Variants in SSBP2 observed in about 807,000 individuals in gnomAD.
SSBP2 encodes the protein single-stranded DNA-binding protein 2.
SSBP2 carries 17 observed loss-of-function variants against 61.8 expected under a neutral mutation model. The ratio of observed to expected loss-of-function variants is 0.28; its 90% CI spans 0.19 to 0.41. SSBP2 has a LOEUF of 0.41. Among genes scored for constraint, SSBP2 ranks in the 10% least tolerant of loss-of-function variants. SSBP2 has a pLI of 1.00. For missense variants in SSBP2, 310 were observed against 458.7 expected, an observed-to-expected ratio of 0.68 and a Z score of 2.96; for synonymous variants, 139 against 141.3, an observed-to-expected ratio of 0.98 and a Z score of 0.12.
At chr5:81,740,450 A>T (rs902631387) in intron 1 of SSBP2, among the ~76,000 whole-genome samples, 2 of 152,222 alleles carry the variant, frequency 1.3e-5, no homozygotes, top group African/African-American at 4.8e-5. Context: ...TGAAAAAAAT[A>T]AAACAAAGAA....
chr5:81,584,804 A>G (rs915074425), intron 4 of SSBP2, among the ~76,000 whole-genome samples: 1 of 152,168 alleles, frequency 6.6e-6, no homozygotes, highest in Non-Finnish European at 1.5e-5. Flanking sequence ...CAAGATAAAA[A>G]TTATGTTAAG....
chr5:81,698,983 C>A (rs181331118), intron 1 of SSBP2, among the ~76,000 whole-genome samples: 3 of 152,258 alleles, frequency 2.0e-5, no homozygotes, highest in Non-Finnish European at 2.9e-5. Flanking sequence ...CAGACCACTG[C>A]AGTAAAGTGA....
chr5:81,524,811 A>G (rs1769790381), intron 4 of SSBP2, among the ~76,000 whole-genome samples: 1 of 152,016 alleles, frequency 6.6e-6, no homozygotes, highest in Admixed American at 6.6e-5. Context: ...GGGAAGAAGA[A>G]TGGCACACAC....
At chr5:81,713,231 GA>G (rs1221633336) in intron 1 of SSBP2, among the ~76,000 whole-genome samples, 1 of 151,834 alleles carries the variant, frequency 6.6e-6, no homozygotes, top group Non-Finnish European at 1.5e-5. Context: ...GGAAGTGAGA[GA>G]AAAAGTTTAC....
chr5:81,511,286 T>C (rs1239173154), intron 5 of SSBP2, among the ~76,000 whole-genome samples: 1 of 152,134 alleles, frequency 6.6e-6, no homozygotes, highest in Non-Finnish European at 1.5e-5. Flanking sequence ...AATGGCCTCT[T>C]CTCTCATTCA....
rs79206618 is a variant in SSBP2, at chr5:81,610,765, G to A, written c.282+4708C>T. Among the ~76,000 whole-genome samples, 848 of 152,240 alleles carry A rather than the reference G, an allele frequency of 5.6e-3. 7 individuals are homozygous for A. Among genetic ancestry groups the A allele is most frequent in the Non-Finnish European group, 9.6e-3 (650 of 68,004 alleles). On this transcript the variant is annotated intron_variant, in intron 4 of 16. Coordinates refer to ENST00000320672, the MANE Select transcript of SSBP2 (RefSeq NM_012446.5). ...TCCCAGCACTTTGGGAGGCTGAGGT[G>A]GGCAGATCACCTGAGGTTGGGAGTT...
chr5:81,604,696 T>G (rs1369819722), intron 4 of SSBP2, among the ~76,000 whole-genome samples: 1 of 152,184 alleles, frequency 6.6e-6, no homozygotes, highest in Non-Finnish European at 1.5e-5. Flanking sequence ...TGCATTAGCT[T>G]GCACAGTCTT....
chr5:81,576,184 G>T (rs1049853093), intron 4 of SSBP2, among the ~76,000 whole-genome samples: 1 of 150,880 alleles, frequency 6.6e-6, no homozygotes, highest in African/African-American at 2.4e-5. Context: ...CCTCTATCAG[G>T]CTTCTTTTTT....
intron 6 of SSBP2, among the ~76,000 whole-genome samples, chr5:81,485,445 C>A (rs1396900038): frequency 6.6e-6 from 1 of 152,068 alleles, no homozygotes; most frequent in Non-Finnish European, 1.5e-5. Flanking sequence ...TTCAGGGGAA[C>A]TCAAATTTAA....
At chr5:81,733,432 G>GA (rs1213437673) in intron 1 of SSBP2, among the ~76,000 whole-genome samples, 3 of 145,818 alleles carry the variant, frequency 2.1e-5, no homozygotes, top group Non-Finnish European at 3.0e-5. Context: ...TCAACAGCTA[G>GA]AAAAAAAAAA....
At chr5:81,600,600 A>G (rs549503201) in intron 4 of SSBP2, among the ~76,000 whole-genome samples, 9 of 151,598 alleles carry the variant, frequency 5.9e-5, no homozygotes, top group Non-Finnish European at 1.3e-4. Context: ...GAAAGAAAAG[A>G]AAATTCATAC....
At chr5:81,670,165 C>T (rs937867685) in intron 1 of SSBP2, among the ~76,000 whole-genome samples, 2 of 152,066 alleles carry the variant, frequency 1.3e-5, no homozygotes, top group Admixed American at 6.6e-5. Flanking sequence ...CTATGGACTT[C>T]GAGTAATAAT....
chr5:81,602,475 G>C (rs954837913), intron 4 of SSBP2, among the ~76,000 whole-genome samples: 4 of 152,136 alleles, frequency 2.6e-5, no homozygotes, highest in Non-Finnish European at 4.4e-5. Flanking sequence ...GAACTAGGAG[G>C]CATGACCTAA....
At chr5:81,750,941 C>T in intron 1 of SSBP2, 40 bp downstream of exon 1, 1 of 1,562,798 alleles carries the variant, frequency 6.4e-7, no homozygotes, top group South Asian at 1.2e-5. Flanking sequence ...AGTGTGCGCG[C>T]GTGTGAAGGC....
intron 1 of SSBP2, among the ~76,000 whole-genome samples, chr5:81,716,941 A>C (rs1189979716): frequency 6.6e-6 from 1 of 152,236 alleles, no homozygotes; most frequent in Non-Finnish European, 1.5e-5. Flanking sequence ...CAATTAAGGA[A>C]ATACATGGCC....
At chr5:81,751,099 C>G (rs967612514), upstream of SSBP2, 4 of 1,533,060 alleles carry the variant, frequency 2.6e-6, no homozygotes, top group Admixed American at 7.8e-5. Context: ...CACAGCCTCC[C>G]CGGGAACAGC....
chr5:81,585,366 A>C (rs2153489858), intron 4 of SSBP2, among the ~76,000 whole-genome samples: 1 of 152,206 alleles, frequency 6.6e-6, no homozygotes, highest in South Asian at 2.1e-4. Flanking sequence ...TGCATACTGA[A>C]TTTAAGATAA....
intron 10 of SSBP2, among the ~76,000 whole-genome samples, chr5:81,455,623 C>T (rs1232399813): frequency 2.8e-5 from 2 of 70,568 alleles, no homozygotes; most frequent in Non-Finnish European, 7.4e-5. Flanking sequence ...GAGACTCCGT[C>T]TCAAAAAAAA....
At position 81,514,503 on chromosome 5, in the gene SSBP2, A is replaced by G. The variant is rs2154084602; in HGVS notation, c.283-786T>C. ...CTTACATAGGGCAGTTATACATACAACTGTTCTACAATCATAGATTTCATC... is the reference window on the plus strand; with the variant it reads ...CTTACATAGGGCAGTTATACATACAGCTGTTCTACAATCATAGATTTCATC... On this transcript the variant is annotated intron_variant, in intron 4 of 16. Transcript: ENST00000320672. Among the ~76,000 whole-genome samples the G allele has an allele frequency of 2.0e-5, 3 of 152,194 alleles. 1 individual carries two copies. The highest frequency in any genetic ancestry group is 2.0e-4 in the Admixed American group (3 of 15,282).
Sources: gnomAD v4.1 joint callset for allele counts (sites outside exome capture counted in the v4.1 genomes callset) on GRCh38, gnomAD v4.1.1 for gene constraint, MANE v1.5 for transcripts, NCBI Gene and HGNC (gene_info 2026-07-23, HGNC 2026-07-21) for gene names.